The following TMCC3 variants were observed in gnomAD, a reference collection of about 807,000 sequenced individuals.
TMCC3 encodes the protein transmembrane and coiled-coil domain protein 3.
TMCC3 carries 28 observed loss-of-function variants against 40.2 expected under a neutral mutation model. The observed-to-expected ratio is 0.70, with a 90% CI of 0.52 to 0.95. The LOEUF (loss-of-function observed/expected upper bound fraction) is 0.95. TMCC3 is among the 40% of genes least tolerant of loss of function. TMCC3 has a pLI of 0.00. For synonymous variants in TMCC3, 255 were observed against 248.5 expected (o/e 1.03, Z -0.25); for missense variants, 554 against 615.2 (o/e 0.90, Z 1.05).
At chr12:94,627,389 C>T (rs1403356074) in intron 1 of TMCC3, among the ~76,000 whole-genome samples, 1 of 152,186 alleles carries the variant, frequency 6.6e-6, no homozygotes, top group Non-Finnish European at 1.5e-5. Context: ...ACATTCTAGT[C>T]CAAGCCACTC....
At chr12:94,578,334 T>A in intron 3 of TMCC3, 60 bp downstream of exon 3, 2 of 1,567,320 alleles carry the variant, frequency 1.3e-6, no homozygotes, top group Non-Finnish European at 8.7e-7. Flanking sequence ...TTTAGACTGT[T>A]AAATGAATTA....
intron 3 of TMCC3, among the ~76,000 whole-genome samples, chr12:94,572,278 G>A (rs1392683665): frequency 6.7e-6 from 1 of 148,488 alleles, no homozygotes; most frequent in African/African-American, 2.5e-5. Flanking sequence ...GATTATAGGT[G>A]TGAGCCACCA....
At chr12:94,598,751 A>C (rs2068733243) in intron 1 of TMCC3, 1 of 985,328 alleles carries the variant, frequency 1.0e-6, no homozygotes, top group Admixed American at 6.2e-5. Flanking sequence ...TTCGTGTTTC[A>C]GGCAGAGAAC....
At position 94,593,844 on chromosome 12, in the gene TMCC3, C is replaced by A. The variant is rs115455906; in HGVS notation, c.79-11306G>T. 3.1e-3 allele frequency among the ~76,000 whole-genome samples: 479 copies of A among 152,190 alleles called. 3 individuals carry two copies. Among genetic ancestry groups the A allele is most frequent in the African/African-American group, 0.011 (452 of 41,506 alleles). ...CTAATTCTTTACAAAATTAGTCTGA[C>A]CTGGTAAAGATTTGTACGTACTAAA... On this transcript the variant is annotated intron_variant, in intron 1 of 3. Transcript: ENST00000261226.
intron 1 of TMCC3, among the ~76,000 whole-genome samples, chr12:94,589,812 G>A (rs995359944): frequency 5.3e-5 from 8 of 152,188 alleles, no homozygotes; most frequent in Non-Finnish European, 8.8e-5. Flanking sequence ...GACTTGTAAA[G>A]GGTATGTTTC....
chr12:94,615,027 G>C (rs766031775), intron 1 of TMCC3, among the ~76,000 whole-genome samples: 9 of 152,186 alleles, frequency 5.9e-5, no homozygotes, highest in South Asian at 4.2e-4. Context: ...CCCACCCCCA[G>C]GTGTTTTGGT....
At position 94,569,348 on chromosome 12, in the gene TMCC3, C is replaced by G. The variant is rs969233617; in HGVS notation, c.*2087G>C. 1 of 152,448 alleles carries G rather than the reference C, an allele frequency of 6.6e-6. No homozygotes were observed. Among genetic ancestry groups the G allele is most frequent in the Non-Finnish European group, 1.5e-5 (1 of 68,244 alleles). The allele number at this position is 152,448 out of a possible 1,614,324, so 9.4% of individuals were successfully genotyped here. A position where few individuals can be genotyped will look rare whatever the true frequency, so the allele number is the denominator to read the frequency against. ...CGAAATACAAAAGCTAAAGGAAGCA[C>G]AACATTCTCTCTGCCTCCCTGCCTT... On this transcript the variant is annotated 3_prime_UTR_variant, in exon 4 of 4. Transcript: ENST00000261226.
chr12:94,628,883 G>A (rs2068917507), intron 1 of TMCC3, among the ~76,000 whole-genome samples: 1 of 152,198 alleles, frequency 6.6e-6, no homozygotes. Flanking sequence ...CTTCCAAACA[G>A]CAAATAAAAC....
rs908685370 is a variant in TMCC3, at chr12:94,581,890, C to A, written c.727G>T (p.Ala243Ser). Residue 243 changes from alanine (A) to serine (S), a missense_variant, in exon 2 of 4, where the codon GCT (alanine) becomes TCT (serine). By Grantham distance (99) the Ala-to-Ser change is moderately conservative (BLOSUM62 1). Coordinates refer to ENST00000261226, the MANE Select transcript of TMCC3 (RefSeq NM_020698.4). Reference sequence around the variant, plus strand: ...TACTTGGGTTTGTTCACGATGGTAGCGCTGCCCCCGTAGGCCCTGGCACTC... The same window carrying A: ...TACTTGGGTTTGTTCACGATGGTAGAGCTGCCCCCGTAGGCCCTGGCACTC... ...EASARAYGGS[A>S]TIVNKPKYGS... 1.9e-6 allele frequency: 3 copies of A among 1,614,118 alleles called. No homozygotes were observed. In the Admixed American group the frequency reaches 5.0e-5, roughly 27 times the overall value.
chr12:94,615,394 A>T (rs1168448042), intron 1 of TMCC3, among the ~76,000 whole-genome samples: 1 of 152,198 alleles, frequency 6.6e-6, no homozygotes, highest in Non-Finnish European at 1.5e-5. Context: ...AGCTCGAGGC[A>T]GCCACCACAC....
chr12:94,628,392 C>T (rs1260998527), intron 1 of TMCC3, among the ~76,000 whole-genome samples: 1 of 152,192 alleles, frequency 6.6e-6, no homozygotes, highest in African/African-American at 2.4e-5. Context: ...TCCACCTATC[C>T]ACAAAAGGGC....
chr12:94,643,470 A>G (rs1445848592), intron 1 of TMCC3, among the ~76,000 whole-genome samples: 2 of 152,202 alleles, frequency 1.3e-5, no homozygotes, highest in African/African-American at 2.4e-5. Flanking sequence ...TCACCTTGCT[A>G]TTCAACAGTC....
intron 1 of TMCC3, among the ~76,000 whole-genome samples, chr12:94,588,752 T>C (rs1246449745): frequency 6.6e-6 from 1 of 152,152 alleles, no homozygotes; most frequent in Non-Finnish European, 1.5e-5. Flanking sequence ...GCCAACCTTG[T>C]CCAATCCACG....
chr12:94,588,417 G>C (rs2068650918), intron 1 of TMCC3, among the ~76,000 whole-genome samples: 1 of 152,198 alleles, frequency 6.6e-6, no homozygotes, highest in African/African-American at 2.4e-5. Context: ...TAGGGATGCA[G>C]AGCTATCACA....
At chr12:94,587,180 C>A (rs569880077) in intron 1 of TMCC3, among the ~76,000 whole-genome samples, 1 of 152,202 alleles carries the variant, frequency 6.6e-6, no homozygotes, top group Non-Finnish European at 1.5e-5. Context: ...AGGGTTAGGA[C>A]GCAGGAAGGA....
chr12:94,633,290 C>T (rs963518884), intron 1 of TMCC3, among the ~76,000 whole-genome samples: 3 of 152,016 alleles, frequency 2.0e-5, no homozygotes, highest in East Asian at 1.9e-4. Context: ...GTTATGGAGG[C>T]CTCTGAGGAA....
intron 1 of TMCC3, chr12:94,609,933 G>A (rs1343240460): frequency 6.6e-6 from 1 of 152,144 alleles, no homozygotes; most frequent in African/African-American, 2.4e-5. Context: ...AGCTCCTCAG[G>A]GGTCCCTTTG....
intron 1 of TMCC3, among the ~76,000 whole-genome samples, chr12:94,636,050 C>T (rs892133586): frequency 2.6e-5 from 4 of 152,076 alleles, no homozygotes; most frequent in Non-Finnish European, 4.4e-5. Flanking sequence ...ATAAGTGTGG[C>T]AGAATTACAA....
intron 1 of TMCC3, among the ~76,000 whole-genome samples, chr12:94,623,311 C>T (rs2068885620): frequency 6.6e-6 from 1 of 152,078 alleles, no homozygotes; most frequent in Admixed American, 6.6e-5. Flanking sequence ...GAGTGCCTAC[C>T]ATGAGCTGGG....
Sources: allele counts gnomAD v4.1 joint callset (sites outside exome capture counted in the v4.1 genomes callset), GRCh38; gene constraint gnomAD v4.1.1; transcripts MANE v1.5; gene names NCBI Gene and HGNC (gene_info 2026-07-23, HGNC 2026-07-21).